Variants in PDE6D observed in about 807,000 individuals in gnomAD.
The protein encoded by PDE6D is retinal rod rhodopsin-sensitive cGMP 3',5'-cyclic phosphodiesterase subunit delta.
A neutral mutation model predicts 21.9 loss-of-function variants in PDE6D; 10 were observed. The observed-to-expected ratio is 0.46, with a 90% CI of 0.28 to 0.78. The LOEUF (loss-of-function observed/expected upper bound fraction) is 0.78, where lower values mean the gene tolerates loss of function less well. Among genes scored for constraint, PDE6D ranks in the 30% least tolerant of loss-of-function variants. The pLI, the probability that PDE6D is intolerant of heterozygous loss-of-function variation, is 0.12. For missense variants in PDE6D, 139 were observed against 184.8 expected (o/e 0.75, Z 1.44); for synonymous variants, 59 against 63.5 (o/e 0.93, Z 0.34).
At chr2:231,733,963 A>G (rs1470684718) in intron 4 of PDE6D, among the ~76,000 whole-genome samples, 1 of 152,124 alleles carries the variant, frequency 6.6e-6, no homozygotes, top group Non-Finnish European at 1.5e-5. Context: ...CTGTAATCCC[A>G]GCACTTTGGG....
At chr2:231,741,084 C>T (rs1403500921) in intron 1 of PDE6D, among the ~76,000 whole-genome samples, 1 of 138,114 alleles carries the variant, frequency 7.2e-6, no homozygotes, top group African/African-American at 2.8e-5. Flanking sequence ...CCATTGCACT[C>T]CAGCCTCAAC....
intron 1 of PDE6D, among the ~76,000 whole-genome samples, chr2:231,761,239 A>G (rs1046799926): frequency 1.3e-5 from 2 of 152,090 alleles, no homozygotes; most frequent in Admixed American, 6.6e-5. Context: ...CAGTGGCGCA[A>G]TCTCGGCTCA....
chr2:231,751,296 T>C (rs543698462), intron 1 of PDE6D, among the ~76,000 whole-genome samples: 2 of 152,288 alleles, frequency 1.3e-5, no homozygotes, highest in Non-Finnish European at 2.9e-5. Flanking sequence ...AGCTGGACTA[T>C]AGGCACTTAC....
chr2:231,752,984 A>G (rs1252127422), intron 1 of PDE6D, among the ~76,000 whole-genome samples: 1 of 150,866 alleles, frequency 6.6e-6, no homozygotes, highest in African/African-American at 2.4e-5. Context: ...GGCGCCCGCC[A>G]CCACGCCCGG....
In PDE6D at chr2:231,772,745, T is replaced by G. The variant is rs78169398; in HGVS notation, c.50+8320A>C. Reference sequence around the variant, plus strand: ...GAACCATTGCTAGTCCTTTATCAAATGTAGTGGTGATACAACTGGAATTCT... The same window carrying G: ...GAACCATTGCTAGTCCTTTATCAAAGGTAGTGGTGATACAACTGGAATTCT... On this transcript the variant is annotated intron_variant, in intron 1 of 4. Coordinates refer to ENST00000287600, the MANE Select transcript of PDE6D (RefSeq NM_002601.4). Among the ~76,000 whole-genome samples, 112 of 152,254 alleles carry G rather than the reference T, an allele frequency of 7.4e-4. 1 individual carries two copies. The East Asian group carries it at 0.019, about 26-fold the overall frequency.
intron 1 of PDE6D, among the ~76,000 whole-genome samples, chr2:231,755,381 C>T (rs2048874896): frequency 6.6e-6 from 1 of 152,172 alleles, no homozygotes; most frequent in African/African-American, 2.4e-5. Flanking sequence ...CACCAAAGTG[C>T]TCAAACCGAT....
chr2:231,759,515 T>C (rs2048909698), intron 1 of PDE6D, among the ~76,000 whole-genome samples: 1 of 151,924 alleles, frequency 6.6e-6, no homozygotes, highest in African/African-American at 2.4e-5. Context: ...GAGAAAAAGA[T>C]CAAATGTCTA....
chr2:231,737,482 A>C, intron 3 of PDE6D, 190 bp from the exon 4 acceptor site: 1 of 507,378 alleles, frequency 2.0e-6, no homozygotes, highest in East Asian at 3.3e-5. Flanking sequence ...AACCACACCA[A>C]AGGCTTGCTT....
At chr2:231,753,510 C>T (rs1316639699) in intron 1 of PDE6D, among the ~76,000 whole-genome samples, 2 of 151,774 alleles carry the variant, frequency 1.3e-5, no homozygotes, top group East Asian at 3.9e-4. Flanking sequence ...GAGATCGTGC[C>T]ACTGCAGTCC....
intron 1 of PDE6D, among the ~76,000 whole-genome samples, chr2:231,769,030 G>A (rs1046846091): frequency 2.6e-5 from 4 of 151,930 alleles, no homozygotes; most frequent in South Asian, 2.1e-4. Flanking sequence ...TACCACGCCC[G>A]GCTCATTTTG....
At chr2:231,774,693 A>AT (rs1239380938) in intron 1 of PDE6D, among the ~76,000 whole-genome samples, 1 of 150,770 alleles carries the variant, frequency 6.6e-6, no homozygotes, top group African/African-American at 2.4e-5. Context: ...GGTTCAAGTG[A>AT]TTCTTCTGCC....
At position 231,744,033 on chromosome 2, in the gene PDE6D, A is replaced by T. The variant is rs375789296; in HGVS notation, c.51-4845T>A. 2.6e-5 allele frequency among the ~76,000 whole-genome samples: 4 copies of T among 152,368 alleles called. No homozygotes were observed. In the East Asian group the frequency reaches 5.8e-4, roughly 22 times the overall value. ...TACCCACTACGGCAACATGGACATC[A>T]GACTTTCTTAAATTAAACAATAAGA... On this transcript the variant is annotated intron_variant, in intron 1 of 4. Transcript: ENST00000287600.
Position 231,781,109 on chromosome 2 carries a change from T to C in PDE6D, c.6A>G (p.Ser2=). The change falls in exon 1 of 5, where the codon TCA becomes TCG. Residue 2 remains serine (S), a synonymous_variant. Transcript: ENST00000287600. M[S]AKDERAREIL... ...TCTCCCTGGCCCGCTCGTCCTTGGC[T>C]GACATGATGCGGCGGTCGCCGCCCG... 6.2e-7 allele frequency: 1 copy of C among 1,613,346 alleles called. No homozygotes were observed. Among genetic ancestry groups the C allele is most frequent in the Non-Finnish European group, 8.5e-7 (1 of 1,179,750 alleles).
In PDE6D at chr2:231,738,044, T is replaced by C. The variant is rs779215437; in HGVS notation, c.234A>G (p.Gln78=). Reference sequence around the variant, plus strand: ...GGCATTGCCCTTTGAAGTAAACTTTTTGTTCCAGGCGGAATTTTTCCATTT... The same window carrying C: ...GGCATTGCCCTTTGAAGTAAACTTTCTGTTCCAGGCGGAATTTTTCCATTT... ...TEQMEKFRLE[Q]KVYFKGQCLE... The change falls in exon 3 of 5, where the codon CAA becomes CAG. Residue 78 remains glutamine, a synonymous_variant. Transcript: ENST00000287600. 7.4e-6 allele frequency: 12 copies of C among 1,614,196 alleles called. No homozygotes were observed. Among genetic ancestry groups the C allele is most frequent in the Non-Finnish European group, 1.0e-5 (12 of 1,179,992 alleles).
intron 1 of PDE6D, among the ~76,000 whole-genome samples, chr2:231,743,293 G>A (rs1289775369): frequency 3.3e-5 from 5 of 151,940 alleles, no homozygotes; most frequent in African/African-American, 9.7e-5. Flanking sequence ...GCGTGGTGGT[G>A]TGCGCCTGTA....
intron 1 of PDE6D, among the ~76,000 whole-genome samples, chr2:231,749,341 C>T (rs1342766811): frequency 6.6e-6 from 1 of 152,120 alleles, no homozygotes; most frequent in Non-Finnish European, 1.5e-5. Context: ...TGCATGGGCC[C>T]TGTAACCCCT....
intron 1 of PDE6D, among the ~76,000 whole-genome samples, chr2:231,773,620 G>A (rs1453710862): frequency 6.6e-6 from 1 of 152,114 alleles, no homozygotes; most frequent in Non-Finnish European, 1.5e-5. Context: ...CAAGGATTAA[G>A]GTACTATGAG....
intron 1 of PDE6D, among the ~76,000 whole-genome samples, chr2:231,742,334 G>A (rs1186500165): frequency 6.6e-6 from 1 of 152,072 alleles, no homozygotes; most frequent in East Asian, 1.9e-4. Context: ...TGTTGTTCAG[G>A]CTGGTCTCAA....
chr2:231,770,073 T>C (rs930722926), intron 1 of PDE6D, among the ~76,000 whole-genome samples: 1 of 152,230 alleles, frequency 6.6e-6, no homozygotes, highest in African/African-American at 2.4e-5. Flanking sequence ...CACCTTTTTT[T>C]CCCTATTAAC....
Sources: gnomAD v4.1 joint callset for allele counts (sites outside exome capture counted in the v4.1 genomes callset) on GRCh38, gnomAD v4.1.1 for gene constraint, MANE v1.5 for transcripts, NCBI Gene and HGNC (gene_info 2026-07-23, HGNC 2026-07-21) for gene names.